Variants in SGCZ observed in about 807,000 individuals in gnomAD.
SGCZ encodes zeta-sarcoglycan.
A neutral mutation model predicts 41.3 loss-of-function variants in SGCZ; 40 were observed. That is an observed-to-expected ratio of 0.97 (90% CI 0.75 to 1.26). SGCZ has a LOEUF of 1.26. Among genes scored for constraint, SGCZ ranks in the 50% most tolerant of loss-of-function variants. SGCZ has a pLI of 0.00. For synonymous variants in SGCZ, 206 were observed against 137.5 expected (o/e 1.50, Z -3.49); for missense variants, 552 against 369.8 (o/e 1.49, Z -4.04).
At chr8:14,923,545 T>C (rs897946268) in intron 1 of SGCZ, among the ~76,000 whole-genome samples, 6 of 152,264 alleles carry the variant, frequency 3.9e-5, no homozygotes, top group African/African-American at 1.4e-4. Flanking sequence ...CATATATTCA[T>C]GGTGTCCCTA....
intron 1 of SGCZ, among the ~76,000 whole-genome samples, chr8:15,039,857 G>A (rs1038348017): frequency 1.3e-5 from 2 of 152,074 alleles, no homozygotes; most frequent in African/African-American, 2.4e-5. Context: ...ACAGTATTTG[G>A]ATTTTATGGT....
At chr8:14,361,947 G>T (rs1029320239) in intron 2 of SGCZ, among the ~76,000 whole-genome samples, 3 of 152,166 alleles carry the variant, frequency 2.0e-5, no homozygotes, top group Non-Finnish European at 4.4e-5. Context: ...CCCCTCAGCT[G>T]CAGGTCTGCT....
chr8:14,651,884 G>A (rs935741102), intron 1 of SGCZ, among the ~76,000 whole-genome samples: 7 of 151,938 alleles, frequency 4.6e-5, no homozygotes, highest in South Asian at 2.1e-4. Flanking sequence ...AAAATTGAGA[G>A]TCAGCATATT....
intron 2 of SGCZ, among the ~76,000 whole-genome samples, chr8:14,375,330 AT>A (rs1017187328): frequency 2.3e-4 from 35 of 152,320 alleles, no homozygotes; most frequent in Admixed American, 1.9e-3. Context: ...ACAAGGAGAT[AT>A]TTTAACACAC....
chr8:14,151,205 C>A (rs1296485115), intron 5 of SGCZ, among the ~76,000 whole-genome samples: 1 of 151,840 alleles, frequency 6.6e-6, no homozygotes, highest in African/African-American at 2.4e-5. Context: ...AAGGATAAAT[C>A]CTTGAGGGCA....
At chr8:14,984,180 C>G (rs1375619716) in intron 1 of SGCZ, among the ~76,000 whole-genome samples, 1 of 152,184 alleles carries the variant, frequency 6.6e-6, no homozygotes, top group African/African-American at 2.4e-5. Context: ...AGAGCCACTA[C>G]TGTTTTATCC....
chr8:14,661,562 G>T (rs1807751369), intron 1 of SGCZ, among the ~76,000 whole-genome samples: 1 of 152,048 alleles, frequency 6.6e-6, no homozygotes, highest in South Asian at 2.1e-4. Flanking sequence ...GTCAACAATT[G>T]GTCATCCCTG....
chr8:15,191,902 G>A (rs1800552857), intron 1 of SGCZ, among the ~76,000 whole-genome samples: 4 of 151,938 alleles, frequency 2.6e-5, no homozygotes, highest in African/African-American at 7.3e-5. Flanking sequence ...ACGCTTAAGG[G>A]CTCAGATTGC....
intron 5 of SGCZ, among the ~76,000 whole-genome samples, chr8:14,159,674 A>C (rs1413073649): frequency 1.3e-5 from 2 of 152,152 alleles, no homozygotes; most frequent in East Asian, 3.9e-4. Context: ...ACCTAATCTA[A>C]TCACATTTCT....
chr8:14,445,238 A>G (rs1421001556), intron 2 of SGCZ, among the ~76,000 whole-genome samples: 1 of 152,160 alleles, frequency 6.6e-6, no homozygotes, highest in Admixed American at 6.5e-5. Flanking sequence ...GTAGCCTGAA[A>G]CTCGCAGCCC....
intron 5 of SGCZ, among the ~76,000 whole-genome samples, chr8:14,163,825 T>G (rs1024390115): frequency 6.6e-6 from 1 of 152,148 alleles, no homozygotes; most frequent in East Asian, 1.9e-4. Context: ...CAAACTCAAG[T>G]TTGGGAAACA....
intron 1 of SGCZ, among the ~76,000 whole-genome samples, chr8:15,197,121 C>A (rs1295263023): frequency 6.6e-6 from 1 of 152,200 alleles, no homozygotes; most frequent in Non-Finnish European, 1.5e-5. Flanking sequence ...GGGAAATGGA[C>A]TTAACCCCTT....
chr8:14,338,508 G>A (rs944225352), intron 2 of SGCZ, among the ~76,000 whole-genome samples: 5 of 152,120 alleles, frequency 3.3e-5, no homozygotes, highest in Admixed American at 6.6e-5. Context: ...GTGCTTATTC[G>A]AGGTTGCAAT....
At chr8:14,107,338 T>A (rs992759058) in intron 6 of SGCZ, among the ~76,000 whole-genome samples, 1 of 152,134 alleles carries the variant, frequency 6.6e-6, no homozygotes. Flanking sequence ...TGGGAAGAAT[T>A]CCCTATAATG....
At chr8:14,264,613 G>A (rs904738242) in intron 3 of SGCZ, among the ~76,000 whole-genome samples, 1 of 152,088 alleles carries the variant, frequency 6.6e-6, no homozygotes, top group Non-Finnish European at 1.5e-5. Flanking sequence ...AGTGACCACC[G>A]GCTGAAAGAA....
intron 4 of SGCZ, among the ~76,000 whole-genome samples, chr8:14,168,159 C>A (rs1052108648): frequency 2.0e-5 from 3 of 152,038 alleles, no homozygotes; most frequent in African/African-American, 7.2e-5. Context: ...AATAGTATTA[C>A]TAAAAGATTC....
chr8:14,410,081 G>T (rs6419067), intron 2 of SGCZ, among the ~76,000 whole-genome samples: 67,492 of 151,564 alleles, frequency 0.45, 16,374 homozygotes, highest in African/African-American at 0.65. Flanking sequence ...GTAAGACCAG[G>T]GGTGGCGTTA....
intron 4 of SGCZ, among the ~76,000 whole-genome samples, chr8:14,175,731 C>A (rs1176939930): frequency 6.6e-6 from 1 of 151,994 alleles, no homozygotes; most frequent in Non-Finnish European, 1.5e-5. Flanking sequence ...TCAAATATGT[C>A]ACTAATTACA....
intron 1 of SGCZ, among the ~76,000 whole-genome samples, chr8:14,724,218 G>C (rs1463931745): frequency 6.6e-6 from 1 of 152,038 alleles, no homozygotes; most frequent in African/African-American, 2.4e-5. Context: ...GTACTATTTA[G>C]AGGCAAGGGA....
Sources: gnomAD v4.1 joint callset for allele counts (sites outside exome capture counted in the v4.1 genomes callset) on GRCh38, gnomAD v4.1.1 for gene constraint, MANE v1.5 for transcripts, NCBI Gene and HGNC (gene_info 2026-07-23, HGNC 2026-07-21) for gene names.